TBX19: variants seen among roughly 807,000 people sequenced by gnomAD.
TBX19 encodes the protein T-box transcription factor 19, also known as T-box transcription factor TBX19.
In TBX19, 33 loss-of-function variants were observed where a neutral mutation model predicts 40.9. The ratio of observed to expected loss-of-function variants is 0.81; its 90% CI spans 0.61 to 1.08. The LOEUF (loss-of-function observed/expected upper bound fraction) is 1.08. TBX19 is among the 50% of genes least tolerant of loss of function. The probability of loss-of-function intolerance (pLI) is 0.00; values close to 1 mark genes in which losing one functional copy is unlikely to be tolerated. For synonymous variants in TBX19, 220 were observed against 225.0 expected, an observed-to-expected ratio of 0.98 and a Z score of 0.20; for missense variants, 494 against 574.0, an observed-to-expected ratio of 0.86 and a Z score of 1.42.
intron 5 of TBX19, among the ~76,000 whole-genome samples, chr1:168,303,829 A>G (rs1572481616): frequency 6.6e-6 from 1 of 152,174 alleles, no homozygotes; most frequent in Non-Finnish European, 1.5e-5. Flanking sequence ...GTAAACTATC[A>G]TGGTGCTTGT....
chr1:168,284,221 G>A (rs938222905), intron 1 of TBX19, among the ~76,000 whole-genome samples: 1 of 151,540 alleles, frequency 6.6e-6, no homozygotes, highest in Non-Finnish European at 1.5e-5. Context: ...ATAGTTAATA[G>A]TCCTTTAGAT....
At chr1:168,297,596 G>A in intron 3 of TBX19, 128 bp from the exon 4 acceptor site, 3 of 806,096 alleles carry the variant, frequency 3.7e-6, no homozygotes, top group Non-Finnish European at 2.1e-6. Flanking sequence ...ACAGGCATAA[G>A]CCATCGTGCC....
At chr1:168,306,982 TGGGCAG>T (rs940208155) in intron 6 of TBX19, among the ~76,000 whole-genome samples, 16 of 151,226 alleles carry the variant, frequency 1.1e-4, no homozygotes, top group Non-Finnish European at 2.1e-4. Flanking sequence ...AGAGTGGGAG[TGGGCAG>T]GGGTAAAAGG....
chr1:168,281,182 G>A lies in TBX19; in HGVS notation c.92G>A (p.Arg31Lys). 6.2e-7 allele frequency: 1 copy of A among 1,614,160 alleles called. No individual in the cohort carries two copies. The highest frequency in any genetic ancestry group is 8.5e-7 in the Non-Finnish European group (1 of 1,180,014). The stretch of plus-strand genomic sequence containing the variant: ...GTGGAGAGTGAGCTTCAGGCAGGGA[G>A]GGAAAAAGGCGACCCTACGGAGAAG... Reference protein sequence around the residue: ...NVVESELQAGREKGDPTEKQL... With the variant: ...NVVESELQAGKEKGDPTEKQL... Residue 31 changes from arginine to lysine, a missense_variant, in exon 1 of 8, where the codon AGG becomes AAG. Physicochemically the swap from Arg to Lys is conservative, Grantham distance 26. Transcript: ENST00000367821.
At chr1:168,297,924 C>T (rs1485960863) in intron 4 of TBX19, 139 bp downstream of exon 4, 10 of 757,420 alleles carry the variant, frequency 1.3e-5, no homozygotes, top group South Asian at 7.6e-5. Flanking sequence ...CGGCCAGGTG[C>T]GGTGGCTCAT....
At chr1:168,285,900 C>T (rs182270912) in intron 1 of TBX19, among the ~76,000 whole-genome samples, 131 of 152,128 alleles carry the variant, frequency 8.6e-4, no homozygotes, top group Middle Eastern at 3.4e-3. Context: ...CATTGTGAGA[C>T]AAAAGAGGGG....
chr1:168,300,088 T>C (rs1254581647), intron 4 of TBX19, among the ~76,000 whole-genome samples: 1 of 152,178 alleles, frequency 6.6e-6, no homozygotes, highest in African/African-American at 2.4e-5. Context: ...ATATCACATA[T>C]GTAATTGTGC....
rs1399363140 is a variant in TBX19, at chr1:168,314,017, T to C, written c.*1015T>C. The C allele has an allele frequency of 6.6e-6, 1 of 152,336 alleles. No individual in the cohort carries two copies. Among genetic ancestry groups the C allele is most frequent in the African/African-American group, 2.4e-5 (1 of 41,464 alleles). 9.4% of individuals were successfully genotyped at this position (152,336 alleles called of 1,614,324 possible). A position where few individuals can be genotyped will look rare whatever the true frequency, so the allele number is the denominator to read the frequency against. On this transcript the variant is annotated 3_prime_UTR_variant, in exon 8 of 8. Coordinates refer to ENST00000367821, the MANE Select transcript of TBX19 (RefSeq NM_005149.3). ...CAGCTTAGGTCCCTCTGTTATCCTG[T>C]TGGCCTCCTATGTATTGGTCAAGGC...
chr1:168,313,007 G>T lies in TBX19; in HGVS notation c.*5G>T. 1.2e-6 allele frequency: 2 copies of T among 1,614,022 alleles called. No homozygotes were observed. The highest frequency in any genetic ancestry group is 1.7e-6 in the Non-Finnish European group (2 of 1,179,984). On this transcript the variant is annotated 3_prime_UTR_variant, in exon 8 of 8. Coordinates refer to ENST00000367821, the MANE Select transcript of TBX19 (RefSeq NM_005149.3). Reference sequence around the variant, plus strand: ...CCTTCCTCACTGGATGGTTAAGCAGGATCCTAGGAGCCTCTTTGCACAGCG... The same window carrying T: ...CCTTCCTCACTGGATGGTTAAGCAGTATCCTAGGAGCCTCTTTGCACAGCG...
intron 5 of TBX19, 37 bp downstream of exon 5, chr1:168,300,520 G>A (rs1283010357): frequency 1.9e-6 from 3 of 1,596,762 alleles, no homozygotes; most frequent in Admixed American, 1.7e-5. Flanking sequence ...GGTGCGTGGG[G>A]CTGTACCTGG....
intron 2 of TBX19, among the ~76,000 whole-genome samples, chr1:168,292,903 C>T (rs1273835539): frequency 6.8e-6 from 1 of 146,602 alleles, no homozygotes; most frequent in Non-Finnish European, 1.5e-5. Flanking sequence ...TAGCTCCTCT[C>T]TGACAACCCA....
chr1:168,312,507 A>G (rs1297504686), intron 7 of TBX19, among the ~76,000 whole-genome samples: 1 of 152,210 alleles, frequency 6.6e-6, no homozygotes, highest in Non-Finnish European at 1.5e-5. Context: ...TAATCTTATC[A>G]TTATTCCACC....
intron 3 of TBX19, among the ~76,000 whole-genome samples, chr1:168,294,032 C>T (rs1649033564): frequency 6.6e-6 from 1 of 152,100 alleles, no homozygotes; most frequent in Non-Finnish European, 1.5e-5. Flanking sequence ...CTTTTGGAAA[C>T]TCACTCCCCA....
chr1:168,281,169 C>T lies in TBX19; in HGVS notation c.79C>T (p.Leu27Phe). 6.2e-7 allele frequency: 1 copy of T among 1,614,158 alleles called. No homozygotes were observed. The highest frequency in any genetic ancestry group is 8.5e-7 in the Non-Finnish European group (1 of 1,180,020). Reference protein sequence around the residue: ...SHLLNVVESELQAGREKGDPT... With the variant: ...SHLLNVVESEFQAGREKGDPT... ...TCTGCTCAATGTGGTGGAGAGTGAG[C>T]TTCAGGCAGGGAGGGAAAAAGGCGA... is the stretch of plus-strand genomic sequence containing the variant. The change falls in exon 1 of 8, where the codon CTT (leucine) becomes TTT (phenylalanine). Residue 27 changes from leucine (L) to phenylalanine (F), a missense_variant. By Grantham distance (22) the Leu-to-Phe change is conservative. Around this residue, in one of 3 missense-constraint regions of TBX19, gnomAD observed 201 missense variants for 235.2 expected, o/e 0.85. Coordinates refer to ENST00000367821, the MANE Select transcript of TBX19 (RefSeq NM_005149.3).
intron 4 of TBX19, 140 bp downstream of exon 4, chr1:168,297,925 G>C: frequency 1.3e-6 from 1 of 763,732 alleles, no homozygotes; most frequent in East Asian, 2.9e-5. Flanking sequence ...GGCCAGGTGC[G>C]GTGGCTCATG....
At chr1:168,282,151 A>G (rs1648671305) in intron 1 of TBX19, among the ~76,000 whole-genome samples, 1 of 152,222 alleles carries the variant, frequency 6.6e-6, no homozygotes, top group African/African-American at 2.4e-5. Flanking sequence ...TCACAAAAGT[A>G]CAAAATGCTG....
intron 4 of TBX19, among the ~76,000 whole-genome samples, chr1:168,298,146 A>C (rs1649163181): frequency 6.6e-6 from 1 of 152,218 alleles, no homozygotes; most frequent in African/African-American, 2.4e-5. Flanking sequence ...CAGTGAGCCG[A>C]GATGGCGCCA....
intron 1 of TBX19, among the ~76,000 whole-genome samples, chr1:168,290,230 T>C (rs1409173885): frequency 1.3e-5 from 2 of 152,234 alleles, no homozygotes. Context: ...TCTAGACTTA[T>C]AAGCCAGCTA....
chr1:168,298,889 TTCTTTCTTTCTCTCTC>T (rs1649196922), intron 4 of TBX19, among the ~76,000 whole-genome samples: 2 of 119,728 alleles, frequency 1.7e-5, no homozygotes, highest in Non-Finnish European at 3.2e-5. Flanking sequence ...CTTTCTTTCT[TTCTTTCTTTCTCTCTC>T]TCTCTCTTTC....
Sources: allele counts gnomAD v4.1 joint callset (sites outside exome capture counted in the v4.1 genomes callset), GRCh38; gene constraint gnomAD v4.1.1; regional missense constraint gnomAD v4.1.1; transcripts MANE v1.5; gene names NCBI Gene and HGNC (gene_info 2026-07-23, HGNC 2026-07-21).